CBR4: variants seen among roughly 807,000 people sequenced by gnomAD.
CBR4 encodes the protein carbonyl reductase 4.
A neutral mutation model predicts 21.0 loss-of-function variants in CBR4; 22 were observed. That is an observed-to-expected ratio of 1.05 (90% CI 0.75 to 1.50). CBR4 has a LOEUF of 1.50. Among genes scored for constraint, CBR4 ranks in the 40% most tolerant of loss-of-function variants. The probability of loss-of-function intolerance (pLI) is 0.00; values close to 1 mark genes in which losing one functional copy is unlikely to be tolerated. For synonymous variants in CBR4, 100 were observed against 104.4 expected (o/e 0.96, Z 0.26); for missense variants, 302 against 286.3 (o/e 1.05, Z -0.40).
Position 169,010,011 on chromosome 4 carries a change from A to G in CBR4, c.79T>C (p.Tyr27His). Residue 27 changes from tyrosine (Y) to histidine (H), a missense_variant, in exon 1 of 5, where the codon TAC (tyrosine) becomes CAC (histidine). By Grantham distance (83) the Tyr-to-His change is moderately conservative (BLOSUM62 2). Transcript: ENST00000306193. Reference protein sequence around the residue: ...AVAQLMARKGYRLAVIARNLE... With the variant: ...AVAQLMARKGHRLAVIARNLE... ...TTTCTGGCAATGACCGCCAGTCGGT[A>G]GCCTTTCCGGGCCATTAACTGGGCC... The G allele has an allele frequency of 2.5e-6, 4 of 1,613,850 alleles. No homozygotes were observed. The highest frequency in any genetic ancestry group is 2.7e-5 in the African/African-American group (2 of 74,978).
rs1227479510 is a variant in CBR4 at position 168,905,155 on chromosome 4, T to G, written n.170-10390A>C. On this transcript the variant is annotated intron_variant and non_coding_transcript_variant, in intron 2 of 3. Coordinates refer to the CBR4 transcript ENST00000509108. ...TTTTGTTGGTTTTTTTTTTTTTTTT[T>G]TTTTTTTTTTTTTGAGATGGAATCT... is the stretch of plus-strand genomic sequence containing the variant. Among the ~76,000 whole-genome samples, 16 of 136,386 alleles carry G rather than the reference T, an allele frequency of 1.2e-4. 1 individual carries two copies. Among genetic ancestry groups the G allele is most frequent in the South Asian group, 7.8e-4 (3 of 3,866 alleles). The allele number at this position is 136,386 out of a possible 152,430, so 89.5% of individuals were successfully genotyped here.
intron 2 of CBR4, chr4:168,914,077 T>C (rs963643297): frequency 9.7e-6 from 10 of 1,035,174 alleles, no homozygotes; most frequent in Non-Finnish European, 1.5e-5. Flanking sequence ...TTACTATAAA[T>C]GTAGTACTAT....
intron 4 of CBR4, among the ~76,000 whole-genome samples, chr4:168,995,769 G>C (rs542523635): frequency 6.6e-6 from 1 of 152,226 alleles, no homozygotes; most frequent in South Asian, 2.1e-4. Context: ...TGGAGAGTTA[G>C]ACGTTTCCAG....
chr4:168,972,204 C>T (rs1416534530), intron 2 of CBR4, among the ~76,000 whole-genome samples: 2 of 152,142 alleles, frequency 1.3e-5, no homozygotes, highest in Non-Finnish European at 2.9e-5. Flanking sequence ...AGTTTGAAGT[C>T]GGGTAATGTG....
chr4:168,933,649 T>C (rs1019235115), intron 2 of CBR4, among the ~76,000 whole-genome samples: 2 of 152,182 alleles, frequency 1.3e-5, no homozygotes, highest in Non-Finnish European at 2.9e-5. Flanking sequence ...TAAACTGTAC[T>C]ACAGACTAAA....
chr4:168,924,116 G>T, intron 2 of CBR4: 1 of 699,382 alleles, frequency 1.4e-6, no homozygotes, highest in Admixed American at 2.4e-5. Flanking sequence ...ATTTGGAGAG[G>T]GGACTAGCAT....
intron 2 of CBR4, among the ~76,000 whole-genome samples, chr4:168,972,785 T>C (rs1395730769): frequency 1.3e-5 from 2 of 152,214 alleles, no homozygotes; most frequent in Admixed American, 6.5e-5. Flanking sequence ...CTTGTCTGAT[T>C]GCTCTGGCTA....
chr4:168,915,853 C>G, intron 2 of CBR4: 1 of 1,532,814 alleles, frequency 6.5e-7, no homozygotes, highest in South Asian at 1.1e-5. Context: ...GAAGTAACTA[C>G]TATCTATATT....
Position 168,989,995 on chromosome 4 carries a change from T to C in CBR4, c.*155A>G, listed in dbSNP as rs1445241410. ...AAAAACCACAATTTGTCACACATTGTTCTTTTGAGACATATTTTTATAAAG... is the reference window on the plus strand; with the variant it reads ...AAAAACCACAATTTGTCACACATTGCTCTTTTGAGACATATTTTTATAAAG... On this transcript the variant is annotated 3_prime_UTR_variant, in exon 5 of 5. Coordinates refer to ENST00000306193, the MANE Select transcript of CBR4 (RefSeq NM_032783.5). 1.7e-5 allele frequency: 22 copies of C among 1,272,842 alleles called. No homozygotes were observed. The highest frequency in any genetic ancestry group is 1.5e-5 in the Non-Finnish European group (15 of 1,007,106). 78.8% of individuals were successfully genotyped at this position (1,272,842 alleles called of 1,614,324 possible).
chr4:169,003,200 C>G (rs1730608060), intron 3 of CBR4, among the ~76,000 whole-genome samples: 1 of 152,116 alleles, frequency 6.6e-6, no homozygotes, highest in Non-Finnish European at 1.5e-5. Flanking sequence ...AAATTAAAAG[C>G]CTTCTGGAAA....
chr4:168,919,552 C>T (rs1760996677), intron 2 of CBR4, among the ~76,000 whole-genome samples: 2 of 151,042 alleles, frequency 1.3e-5, no homozygotes. Context: ...AAAACCTTGC[C>T]ACATGTACAG....
chr4:168,971,421 C>T (rs949590088), intron 2 of CBR4, among the ~76,000 whole-genome samples: 1 of 150,108 alleles, frequency 6.7e-6, no homozygotes, highest in African/African-American at 2.5e-5. Flanking sequence ...AGGCACACAC[C>T]ACCATGCCCA....
intron 2 of CBR4, among the ~76,000 whole-genome samples, chr4:168,922,102 T>TACACACAC (rs35503011): frequency 2.0e-4 from 26 of 132,604 alleles, no homozygotes; most frequent in African/African-American, 3.1e-4. Context: ...TATATATATA[T>TACACACAC]ACACACACAC....
intron 2 of CBR4, among the ~76,000 whole-genome samples, chr4:168,953,302 C>T (rs187920381): frequency 2.0e-5 from 3 of 152,332 alleles, no homozygotes; most frequent in Non-Finnish European, 4.4e-5. Context: ...TTTCTGTTTC[C>T]AGACAGTGGG....
At chr4:168,964,645 TAACTC>T (rs770566192) in intron 2 of CBR4, among the ~76,000 whole-genome samples, 3 of 152,098 alleles carry the variant, frequency 2.0e-5, no homozygotes, top group Non-Finnish European at 2.9e-5. Context: ...ATATAAGAAA[TAACTC>T]TAATGGAGGA....
At chr4:168,925,610 C>T (rs1049002990) in intron 2 of CBR4, among the ~76,000 whole-genome samples, 3 of 151,942 alleles carry the variant, frequency 2.0e-5, no homozygotes, top group Non-Finnish European at 4.4e-5. Context: ...GTACATGCAT[C>T]CCAAATTTAA....
intron 2 of CBR4, among the ~76,000 whole-genome samples, chr4:168,959,561 C>CTTTCTTTTT (rs1553990309): frequency 5.9e-5 from 3 of 50,874 alleles, no homozygotes; most frequent in African/African-American, 1.7e-4. Context: ...TTATCAATTT[C>CTTTCTTTTT]TTTTTTTTTT....
chr4:168,981,062 C>T (rs1764531123), intron 2 of CBR4, among the ~76,000 whole-genome samples: 1 of 152,122 alleles, frequency 6.6e-6, no homozygotes, highest in Admixed American at 6.6e-5. Context: ...CTAAGGAATC[C>T]AGTAGAACAA....
intron 2 of CBR4, among the ~76,000 whole-genome samples, chr4:168,952,042 G>C (rs1044230232): frequency 6.6e-6 from 1 of 152,124 alleles, no homozygotes; most frequent in Non-Finnish European, 1.5e-5. Flanking sequence ...TACTCCTCAG[G>C]AACACCAAAT....
Sources: gnomAD v4.1 joint callset for allele counts (sites outside exome capture counted in the v4.1 genomes callset) on GRCh38, gnomAD v4.1.1 for gene constraint, MANE v1.5 for transcripts, NCBI Gene and HGNC (gene_info 2026-07-23, HGNC 2026-07-21) for gene names.